Variants in SAFB observed in about 807,000 individuals in gnomAD.
SAFB encodes scaffold attachment factor B, also known as scaffold attachment factor B1.
SAFB carries 15 observed loss-of-function variants against 101.6 expected under a neutral mutation model. The observed-to-expected ratio is 0.15, with a 90% CI of 0.10 to 0.23. The LOEUF (loss-of-function observed/expected upper bound fraction) is 0.23. SAFB is among the 10% of genes least tolerant of loss of function. The probability of loss-of-function intolerance (pLI) is 1.00; values close to 1 mark genes in which losing one functional copy is unlikely to be tolerated. For missense variants in SAFB, 930 were observed against 1,104.1 expected (o/e 0.84, Z 2.23); for synonymous variants, 449 against 407.5 (o/e 1.10, Z -1.23).
chr19:5,653,995 C>A, intron 11 of SAFB, 66 bp from the exon 12 acceptor site: 2 of 1,506,976 alleles, frequency 1.3e-6, no homozygotes, highest in Non-Finnish European at 1.8e-6. Flanking sequence ...CCCGCCTCAT[C>A]CCCCCAAAGT....
intron 4 of SAFB, among the ~76,000 whole-genome samples, chr19:5,642,649 T>TTC: frequency 7.5e-6 from 1 of 133,670 alleles, no homozygotes; most frequent in South Asian, 2.6e-4. Flanking sequence ...TGCCCTTCCT[T>TTC]TCTTTTTTTT....
chr19:5,637,718 G>C (rs976561086), intron 2 of SAFB, among the ~76,000 whole-genome samples: 9 of 152,112 alleles, frequency 5.9e-5, no homozygotes, highest in African/African-American at 2.2e-4. Context: ...GCAGGAAGTA[G>C]TTTTCCCAAA....
intron 2 of SAFB, among the ~76,000 whole-genome samples, chr19:5,638,442 C>G (rs1348501377): frequency 2.0e-5 from 3 of 152,010 alleles, no homozygotes; most frequent in African/African-American, 7.3e-5. Context: ...CGTCAACCCC[C>G]CCACCGAGTA....
chr19:5,668,126 G>A (rs1315146063), intron 20 of SAFB, 36 bp from the exon 21 acceptor site: 1 of 1,598,796 alleles, frequency 6.3e-7, no homozygotes, highest in South Asian at 1.1e-5. Flanking sequence ...GGAGCAGGAG[G>A]ACTTCGCAGT....
intron 14 of SAFB, among the ~76,000 whole-genome samples, chr19:5,659,247 G>T (rs1361777784): frequency 3.3e-5 from 5 of 152,066 alleles, no homozygotes; most frequent in Admixed American, 1.3e-4. Flanking sequence ...GGAGGTTGCA[G>T]TGAGCCAAGA....
In SAFB at chr19:5,668,141, C is replaced by T. The variant is rs142072158; in HGVS notation, c.2625-21C>T. The T allele has an allele frequency of 2.2e-4, 354 of 1,604,022 alleles. 2 individuals are homozygous for T. In the East Asian group the frequency reaches 7.7e-3, roughly 35 times the overall value. On this transcript the variant is annotated intron_variant, in intron 20 of 20. Transcript: ENST00000588852. The stretch of plus-strand genomic sequence containing the variant: ...GGAGCAGGAGGACTTCGCAGTCAAA[C>T]CAATGTGAATTTGTTCCTAGGCGCG...
chr19:5,656,190 G>GAT (rs1599370214), intron 13 of SAFB, among the ~76,000 whole-genome samples: 1 of 151,990 alleles, frequency 6.6e-6, no homozygotes, highest in Admixed American at 6.6e-5. Flanking sequence ...GTTAGGCATG[G>GAT]ATATATATAC....
intron 2 of SAFB, among the ~76,000 whole-genome samples, chr19:5,634,169 A>G (rs149925058): frequency 6.6e-5 from 10 of 152,222 alleles, no homozygotes; most frequent in African/African-American, 2.4e-4. Flanking sequence ...TTAGAGAAAA[A>G]TTTCCTAGAT....
At chr19:5,639,362 C>T (rs1353335573) in intron 2 of SAFB, among the ~76,000 whole-genome samples, 1 of 152,124 alleles carries the variant, frequency 6.6e-6, no homozygotes, top group Non-Finnish European at 1.5e-5. Flanking sequence ...GTATAAACCA[C>T]TTACATTTTA....
intron 14 of SAFB, among the ~76,000 whole-genome samples, chr19:5,660,540 G>T (rs550605798): frequency 2.1e-4 from 32 of 151,094 alleles, no homozygotes; most frequent in African/African-American, 7.0e-4. Flanking sequence ...TCACTATATT[G>T]TCCAGGCTGT....
intron 17 of SAFB, 79 bp from the exon 18 acceptor site, chr19:5,666,967 A>G (rs1568284360): frequency 1.2e-6 from 1 of 864,488 alleles, no homozygotes; most frequent in Non-Finnish European, 2.0e-6. Context: ...TGTCATCGTT[A>G]GCATGTTGCC....
chr19:5,632,003 G>A (rs1315719785), intron 2 of SAFB, among the ~76,000 whole-genome samples: 1 of 152,084 alleles, frequency 6.6e-6, no homozygotes, highest in African/African-American at 2.4e-5. Flanking sequence ...ACCATGATTG[G>A]GCTGTGATTG....
intron 17 of SAFB, chr19:5,666,843 G>A (rs1372769585): frequency 3.0e-6 from 2 of 658,514 alleles, no homozygotes; most frequent in Non-Finnish European, 5.4e-6. Flanking sequence ...TACCTTTTTT[G>A]TACCAGGCCA....
chr19:5,667,606 G>A lies in SAFB; in HGVS notation c.2557+156G>A. 1 of 704,442 alleles carries A rather than the reference G, an allele frequency of 1.4e-6. No individual in the cohort carries two copies. The highest frequency in any genetic ancestry group is 2.7e-5 in the East Asian group (1 of 36,524). The allele number at this position is 704,442 out of a possible 1,614,324, so 43.6% of individuals were successfully genotyped here. On this transcript the variant is annotated intron_variant, in intron 19 of 20. Coordinates refer to ENST00000588852, the MANE Select transcript of SAFB (RefSeq NM_001201338.2). This position sits in a 1 kb window ranked among gnomAD's most constrained non-coding sequence, Gnocchi z 4.0. ...CTCCAGACACCGCCTGCTCTCTGGT[G>A]GTCTGGCCCAGGAGTTGGACAGTGG...
intron 5 of SAFB, among the ~76,000 whole-genome samples, chr19:5,647,077 G>A (rs1471932208): frequency 1.3e-5 from 2 of 152,248 alleles, no homozygotes; most frequent in African/African-American, 4.8e-5. Context: ...GTGCCCATCA[G>A]TTGACTGGAA....
intron 2 of SAFB, among the ~76,000 whole-genome samples, chr19:5,630,965 G>A (rs533234635): frequency 6.6e-6 from 1 of 152,218 alleles, no homozygotes; most frequent in Non-Finnish European, 1.5e-5. Context: ...GCTGAGGCGG[G>A]CAGATCACCT....
Position 5,626,393 on chromosome 19 carries a change from C to T in SAFB, c.190-12C>T. 6.5e-7 allele frequency: 1 copy of T among 1,543,270 alleles called. No individual in the cohort carries two copies. Among genetic ancestry groups the T allele is most frequent in the Non-Finnish European group, 9.0e-7 (1 of 1,115,872 alleles). On this transcript the variant is annotated splice_polypyrimidine_tract_variant and intron_variant, in intron 1 of 20. Transcript: ENST00000588852. ...ACTTTTTGGATCAACTTTACTTTTC[C>T]CTTCTTTTTAGGCAATTGAAGATGA...
At chr19:5,632,412 G>A (rs757555922) in intron 2 of SAFB, among the ~76,000 whole-genome samples, 17 of 152,198 alleles carry the variant, frequency 1.1e-4, no homozygotes, top group East Asian at 1.9e-4. Flanking sequence ...TTTGCCCTAC[G>A]TACTGCAGTA....
intron 1 of SAFB, among the ~76,000 whole-genome samples, chr19:5,624,706 T>TC (rs1555693926): frequency 0.21 from 30,841 of 148,222 alleles, 3,465 homozygotes; most frequent in Middle Eastern, 0.3. Context: ...TTTTTTTTTT[T>TC]CCTGATGAGA....
Sources: allele counts gnomAD v4.1 joint callset (sites outside exome capture counted in the v4.1 genomes callset), GRCh38; gene constraint gnomAD v4.1.1; non-coding constraint Gnocchi (gnomAD v3.1); transcripts MANE v1.5; gene names NCBI Gene and HGNC (gene_info 2026-07-23, HGNC 2026-07-21).